The following MAPK3 variants were observed in gnomAD, a reference collection of about 807,000 sequenced individuals.
MAPK3 encodes the protein mitogen-activated protein kinase 3.
In MAPK3, 30 loss-of-function variants were observed where a neutral mutation model predicts 41.8. That is an observed-to-expected ratio of 0.72 (90% CI 0.54 to 0.97). The LOEUF is 0.97. MAPK3 is among the 50% of genes least tolerant of loss of function. MAPK3 has a pLI of 0.00. For synonymous variants in MAPK3, 222 were observed against 213.4 expected, an observed-to-expected ratio of 1.04 and a Z score of -0.35; for missense variants, 413 against 509.9, an observed-to-expected ratio of 0.81 and a Z score of 1.83.
rs2151047932 is a variant in MAPK3 at position 30,122,016 on chromosome 16, C to T, written c.171-10G>A. 6.2e-7 allele frequency: 1 copy of T among 1,613,770 alleles called. No homozygotes were observed. The highest frequency in any genetic ancestry group is 8.5e-7 in the Non-Finnish European group (1 of 1,179,992). The stretch of plus-strand genomic sequence containing the variant: ...GTGGTCATAGGCCGAGCTGAGGGGA[C>T]CGGAGAGAGGCTGCTGCTGTGGCCT... On this transcript the variant is annotated splice_polypyrimidine_tract_variant and intron_variant, in intron 1 of 8. Transcript: ENST00000263025.
At chr16:30,117,337 C>T in intron 5 of MAPK3, 52 bp from the exon 6 acceptor site, 2 of 1,591,674 alleles carry the variant, frequency 1.3e-6, no homozygotes, top group Non-Finnish European at 1.7e-6. Context: ...TTTCTGGGAA[C>T]AGAATAGGCA....
chr16:30,121,887 T>C lies in MAPK3; in HGVS notation c.290A>G (p.His97Arg). ...REIQILLRFR[H>R]ENVIGIRDIL... The stretch of plus-strand genomic sequence containing the variant: ...GTCTCGGATGCCGATGACATTCTCA[T>C]GGCGGAAGCGCAGCAGGATCTGGAT... The change falls in exon 2 of 9, where the codon CAT becomes CGT. Residue 97 changes from histidine (H) to arginine (R), a missense_variant. This residue lies in a region of MAPK3 where 140 missense variants were observed against 206.0 expected (regional missense o/e 0.68). Coordinates refer to ENST00000263025, the MANE Select transcript of MAPK3 (RefSeq NM_002746.3). The C allele has an allele frequency of 6.2e-7, 1 of 1,614,188 alleles. No individual in the cohort carries two copies. Among genetic ancestry groups the C allele is most frequent in the Non-Finnish European group, 8.5e-7 (1 of 1,180,038 alleles).
At chr16:30,118,618 G>A (rs1403125891) in intron 2 of MAPK3, 80 bp from the exon 3 acceptor site, 3 of 1,185,672 alleles carry the variant, frequency 2.5e-6, no homozygotes, top group Admixed American at 4.1e-5. Flanking sequence ...CTGAAGGCGA[G>A]GCTGCACACC....
Position 30,116,982 on chromosome 16 carries a change from A to T in MAPK3, c.929T>A (p.Met310Lys). Reference sequence around the variant, plus strand: ...CCGTTTATTGGGGTTAAAGGTTAACATCCGGTCCAGCAGGTCAAGGGCTAT... The same window carrying T: ...CCGTTTATTGGGGTTAAAGGTTAACTTCCGGTCCAGCAGGTCAAGGGCTAT... ...DSKALDLLDRMLTFNPNKRIT... is the reference protein window; with the variant it reads ...DSKALDLLDRKLTFNPNKRIT... The change falls in exon 7 of 9, where the codon ATG becomes AAG. Residue 310 changes from methionine to lysine, a missense_variant. By Grantham distance (95) the Met-to-Lys change is moderately conservative. Around this residue, in one of 4 missense-constraint regions of MAPK3, gnomAD observed 123 missense variants for 147.8 expected, o/e 0.83. Transcript: ENST00000263025. 2 of 1,608,612 alleles carry T rather than the reference A, an allele frequency of 1.2e-6. No homozygotes were observed. The highest frequency in any genetic ancestry group is 8.5e-7 in the Non-Finnish European group (1 of 1,176,814).
rs1437119658 is a variant in MAPK3 at position 30,117,190 on chromosome 16, C to T, written c.871G>A (p.Ala291Thr). ...GACTTGGGGAAAAGCTTGGCCCAAGCCACCTTGGTCTTGGAGGGCAGAGAC... is the reference window on the plus strand; with the variant it reads ...GACTTGGGGAAAAGCTTGGCCCAAGTCACCTTGGTCTTGGAGGGCAGAGAC... Reference protein sequence around the residue: ...LQSLPSKTKVAWAKLFPKSDS... With the variant: ...LQSLPSKTKVTWAKLFPKSDS... The change falls in exon 6 of 9, where the codon GCT (alanine) becomes ACT (threonine). Residue 291 changes from alanine to threonine, a missense_variant. Around this residue, in one of 4 missense-constraint regions of MAPK3, gnomAD observed 123 missense variants for 147.8 expected, o/e 0.83. Coordinates refer to ENST00000263025, the MANE Select transcript of MAPK3 (RefSeq NM_002746.3). 3 of 1,614,136 alleles carry T rather than the reference C, an allele frequency of 1.9e-6. No homozygotes were observed. Among genetic ancestry groups the T allele is most frequent in the Non-Finnish European group, 2.5e-6 (3 of 1,180,008 alleles).
chr16:30,119,135 C>A (rs2072990396), intron 2 of MAPK3, among the ~76,000 whole-genome samples: 3 of 147,048 alleles, frequency 2.0e-5, no homozygotes, highest in Admixed American at 1.4e-4. Flanking sequence ...GAGTGAGACT[C>A]TGTCTCAAAA....
chr16:30,115,410 G>C (rs1427361727), intron 8 of MAPK3, among the ~76,000 whole-genome samples: 2 of 152,164 alleles, frequency 1.3e-5, no homozygotes, highest in East Asian at 3.9e-4. Flanking sequence ...AGGAGGCAAG[G>C]AGGCAGCGTG....
intron 5 of MAPK3, among the ~76,000 whole-genome samples, 180 bp downstream of exon 5, chr16:30,117,490 G>A (rs1303576230): frequency 1.3e-5 from 2 of 152,072 alleles, no homozygotes; most frequent in Admixed American, 1.3e-4. Context: ...GCCTCCTCAG[G>A]TGTGGGACTT....
At chr16:30,120,320 C>T (rs756796557) in intron 2 of MAPK3, among the ~76,000 whole-genome samples, 50 of 148,810 alleles carry the variant, frequency 3.4e-4, no homozygotes, top group Non-Finnish European at 6.7e-4. Flanking sequence ...GGGGTGAGCA[C>T]GGAGATTTCC....
intron 2 of MAPK3, among the ~76,000 whole-genome samples, chr16:30,121,216 C>T (rs1439578676): frequency 6.6e-6 from 1 of 152,138 alleles, no homozygotes; most frequent in Non-Finnish European, 1.5e-5. Flanking sequence ...TCAAGCGATT[C>T]TCCTACCTCT....
intron 8 of MAPK3, 135 bp downstream of exon 8, chr16:30,116,501 A>G: frequency 2.0e-6 from 2 of 1,024,542 alleles, no homozygotes; most frequent in Non-Finnish European, 1.4e-6. Flanking sequence ...TTCTGTTGTC[A>G]CCAGACACAT....
At chr16:30,116,603 G>A in intron 8 of MAPK3, 33 bp downstream of exon 8, 1 of 1,593,200 alleles carries the variant, frequency 6.3e-7, no homozygotes, top group Non-Finnish European at 8.5e-7. Flanking sequence ...TTTAGTATCA[G>A]GGTGTCCATG....
Position 30,121,916 on chromosome 16 carries a change from C to G in MAPK3, c.261G>C (p.Arg87=), listed in dbSNP as rs202075109. ...EHQTYCQRTL[R]EIQILLRFRH... ...GGAAGCGCAGCAGGATCTGGATCTCCCGGAGCGTGCGCTGGCAGTAGGTCT... is the reference window on the plus strand; with the variant it reads ...GGAAGCGCAGCAGGATCTGGATCTCGCGGAGCGTGCGCTGGCAGTAGGTCT... Residue 87 remains arginine, a synonymous_variant, in exon 2 of 9, where the codon CGG becomes CGC. Transcript: ENST00000263025. The G allele has an allele frequency of 4.2e-5, 68 of 1,614,146 alleles. No individual in the cohort carries two copies. In the East Asian group the frequency reaches 1.5e-3, roughly 36 times the overall value.
chr16:30,122,155 A>C, intron 1 of MAPK3, 149 bp from the exon 2 acceptor site: 1 of 727,994 alleles, frequency 1.4e-6, no homozygotes, highest in Non-Finnish European at 2.3e-6. Context: ...CCTGCTGTGG[A>C]GGCCTGGGAT....
chr16:30,117,158 G>A lies in MAPK3; in HGVS notation c.903C>T (p.Ser301=). 6.2e-7 allele frequency: 1 copy of A among 1,614,058 alleles called. No homozygotes were observed. The highest frequency in any genetic ancestry group is 8.5e-7 in the Non-Finnish European group (1 of 1,179,988). The change falls in exon 6 of 9, where the codon TCC becomes TCT. Residue 301 remains serine (S), a synonymous_variant. Transcript: ENST00000263025. The stretch of plus-strand genomic sequence containing the variant: ...CCACCCTCATGTCTCTCGAACCTTT[G>A]GAGTCTGACTTGGGGAAAAGCTTGG... ...AWAKLFPKSD[S]KALDLLDRML...
chr16:30,115,350 A>G (rs2072945002), intron 8 of MAPK3, among the ~76,000 whole-genome samples: 1 of 152,234 alleles, frequency 6.6e-6, no homozygotes, highest in African/African-American at 2.4e-5. Context: ...CCAGGTGCGC[A>G]TGCCTTCTTT....
chr16:30,119,747 A>G (rs1163779029), intron 2 of MAPK3, among the ~76,000 whole-genome samples: 1 of 152,264 alleles, frequency 6.6e-6, no homozygotes, highest in African/African-American at 2.4e-5. Context: ...GCCATACCTC[A>G]GAAGATGGAG....
chr16:30,122,350 TG>T, intron 1 of MAPK3: 1 of 371,526 alleles, frequency 2.7e-6, no homozygotes. Flanking sequence ...GTGCAGATGC[TG>T]GGGACACACC....
At chr16:30,120,018 A>G (rs1223949716) in intron 2 of MAPK3, among the ~76,000 whole-genome samples, 2 of 152,056 alleles carry the variant, frequency 1.3e-5, no homozygotes, top group African/African-American at 4.8e-5. Flanking sequence ...AAAATACAAA[A>G]ATTAGCCGGG....
Sources: gnomAD v4.1 joint callset for allele counts (sites outside exome capture counted in the v4.1 genomes callset) on GRCh38, gnomAD v4.1.1 for gene constraint, gnomAD v4.1.1 regional missense constraint, MANE v1.5 for transcripts, NCBI Gene and HGNC (gene_info 2026-07-23, HGNC 2026-07-21) for gene names.